Variants in PHF14 observed in about 807,000 individuals in gnomAD.
PHF14 encodes the protein PHD finger protein 14.
Under a neutral mutation model 117.9 loss-of-function variants are expected in PHF14, and 55 were observed. That is an observed-to-expected ratio of 0.47 (90% CI 0.38 to 0.58). The LOEUF is 0.58. PHF14 is among the 20% of genes least tolerant of loss of function. The pLI, the probability that PHF14 is intolerant of heterozygous loss-of-function variation, is 0.00. For missense variants in PHF14, 978 were observed against 1,122.2 expected (o/e 0.87, Z 1.84); for synonymous variants, 409 against 368.6 (o/e 1.11, Z -1.26).
At chr7:11,054,441 C>G (rs1054880918) in intron 14 of PHF14, among the ~76,000 whole-genome samples, 1 of 151,996 alleles carries the variant, frequency 6.6e-6, no homozygotes, top group South Asian at 2.1e-4. Context: ...ACAATTGGTG[C>G]GAGGTATCAT....
At chr7:11,118,629 T>G (rs1345001513) in intron 17 of PHF14, among the ~76,000 whole-genome samples, 3 of 151,874 alleles carry the variant, frequency 2.0e-5, no homozygotes, top group Non-Finnish European at 2.9e-5. Flanking sequence ...TTATTAATAC[T>G]TTATTGTCCT....
In PHF14 at chr7:11,163,822, T is replaced by A. The variant is rs536411353; in HGVS notation, c.2773-5594T>A. On this transcript the variant is annotated intron_variant, in intron 17 of 17. Coordinates refer to ENST00000634607, the MANE Select transcript of PHF14 (RefSeq NM_001007157.2). ...TGTTGAGAGTTACATATCTAGCATA[T>A]GTTTTTAAATGAATAAAACAATATA... Among the ~76,000 whole-genome samples, 206 of 152,328 alleles carry A rather than the reference T, an allele frequency of 1.4e-3. 1 individual carries two copies. The highest frequency in any genetic ancestry group is 2.5e-3 in the Non-Finnish European group (172 of 68,016).
chr7:11,013,311 G>T (rs1240586068), intron 4 of PHF14, among the ~76,000 whole-genome samples: 1 of 151,988 alleles, frequency 6.6e-6, no homozygotes, highest in African/African-American at 2.4e-5. Flanking sequence ...CTGGGCGCCT[G>T]CCACCACGCC....
Position 11,051,797 on chromosome 7 carries a change from T to G in PHF14, c.2481+17T>G. On this transcript the variant is annotated intron_variant, in intron 14 of 17. Transcript: ENST00000634607. ...AGAAACACGGTAGTTTATTTTTTAT[T>G]TATCATAAGCATCATACAATTCTGA... 6.2e-7 allele frequency: 1 copy of G among 1,609,450 alleles called. No homozygotes were observed. The highest frequency in any genetic ancestry group is 8.5e-7 in the Non-Finnish European group (1 of 1,176,626).
chr7:11,028,936 C>A, intron 7 of PHF14, 118 bp downstream of exon 7: 3 of 835,142 alleles, frequency 3.6e-6, no homozygotes, highest in Non-Finnish European at 5.3e-6. Flanking sequence ...AAAGTTCTTG[C>A]CAAGATCACT....
intron 13 of PHF14, among the ~76,000 whole-genome samples, chr7:11,047,118 G>A (rs1272026725): frequency 6.6e-6 from 1 of 151,042 alleles, no homozygotes; most frequent in Non-Finnish European, 1.5e-5. Context: ...ACCCAGGCTG[G>A]GGTGCAGTGG....
intron 16 of PHF14, among the ~76,000 whole-genome samples, chr7:11,102,077 T>C (rs1787113110): frequency 6.6e-6 from 1 of 151,862 alleles, no homozygotes; most frequent in Non-Finnish European, 1.5e-5. Flanking sequence ...CACAGTTTTA[T>C]GTTTTCTCAA....
intron 16 of PHF14, among the ~76,000 whole-genome samples, chr7:11,070,565 C>T (rs1233988935): frequency 3.3e-5 from 5 of 152,214 alleles, no homozygotes; most frequent in Non-Finnish European, 2.9e-5. Context: ...TCTAAGCCTA[C>T]ATCAGTATTT....
chr7:11,099,515 A>T (rs1562465898), intron 16 of PHF14, among the ~76,000 whole-genome samples: 1 of 151,942 alleles, frequency 6.6e-6, no homozygotes, highest in Non-Finnish European at 1.5e-5. Flanking sequence ...GCAGTGAAAT[A>T]GTTCTCATTT....
chr7:11,073,054 T>C (rs1420638586), intron 16 of PHF14, among the ~76,000 whole-genome samples: 1 of 152,302 alleles, frequency 6.6e-6, no homozygotes, highest in South Asian at 2.1e-4. Flanking sequence ...GTTATTTGAA[T>C]GGGAGAAACA....
At chr7:11,135,880 T>G (rs1392450070) in intron 17 of PHF14, among the ~76,000 whole-genome samples, 2 of 152,204 alleles carry the variant, frequency 1.3e-5, no homozygotes, top group African/African-American at 4.8e-5. Flanking sequence ...TGTTTAAAGC[T>G]AATTTATAGC....
At chr7:11,135,823 C>A (rs1333130384) in intron 17 of PHF14, among the ~76,000 whole-genome samples, 1 of 152,076 alleles carries the variant, frequency 6.6e-6, no homozygotes, top group Admixed American at 6.6e-5. Context: ...TTGTAATATA[C>A]GGAAGGCTTT....
rs190306964 is a variant in PHF14, at chr7:11,104,231, G to T, written c.2655-7119G>T. ...CATCATTTTCCATCTTGCATTTTCA[G>T]TGGTGGTGGATATTCTATTCCACAT... On this transcript the variant is annotated intron_variant, in intron 16 of 17. Transcript: ENST00000634607. The T allele has an allele frequency of 4.1e-6, 4 of 984,362 alleles. No individual in the cohort carries two copies. The East Asian group carries it at 4.5e-4, about 112-fold the overall frequency. The allele number at this position is 984,362 out of a possible 1,614,324, so 61.0% of individuals were successfully genotyped here. A position where few individuals can be genotyped will look rare whatever the true frequency, so the allele number is the denominator to read the frequency against.
chr7:11,149,686 T>A (rs1788651347), intron 17 of PHF14, among the ~76,000 whole-genome samples: 1 of 152,188 alleles, frequency 6.6e-6, no homozygotes, highest in South Asian at 2.1e-4. Flanking sequence ...AGAATGCTGA[T>A]ACAGAATTTA....
chr7:11,075,718 A>G (rs1253495385), intron 16 of PHF14, among the ~76,000 whole-genome samples: 3 of 152,064 alleles, frequency 2.0e-5, no homozygotes, highest in Non-Finnish European at 4.4e-5. Context: ...CTATATCAAT[A>G]TGTATCAGGT....
At chr7:11,155,359 T>A (rs1317266868) in intron 17 of PHF14, among the ~76,000 whole-genome samples, 1 of 152,168 alleles carries the variant, frequency 6.6e-6, no homozygotes, top group Admixed American at 6.5e-5. Context: ...AGAACAAATA[T>A]GAAGTATGTC....
In PHF14 at chr7:10,974,291, GTCT is replaced by G; in HGVS notation, c.-29_-27del. ...CTGGGCTCCTGCAGCCTCTCCCTAA[GTCT>G]TCTCCAAACGACCACCTCACGGATT... On this transcript the variant is annotated 5_prime_UTR_variant, in exon 1 of 18. Transcript: ENST00000634607. The G allele has an allele frequency of 6.3e-7, 1 of 1,582,020 alleles. No homozygotes were observed. The highest frequency in any genetic ancestry group is 8.6e-7 in the Non-Finnish European group (1 of 1,162,668).
rs1783199603 is a variant in PHF14 at position 11,008,335 on chromosome 7, C to G, written c.1046-5412C>G. ...CATTTGGTACTTTACTTCTTTTGTGCTTTAGGACAGGGGTCCCCAACCAGG... is the reference window on the plus strand; with the variant it reads ...CATTTGGTACTTTACTTCTTTTGTGGTTTAGGACAGGGGTCCCCAACCAGG... On this transcript the variant is annotated intron_variant, in intron 4 of 17. Transcript: ENST00000634607. Among the ~76,000 whole-genome samples the G allele has an allele frequency of 3.3e-5, 5 of 152,094 alleles. No individual in the cohort carries two copies. In the South Asian group the frequency reaches 1.0e-3, roughly 32 times the overall value.
At chr7:11,148,598 A>T (rs981638185) in intron 17 of PHF14, among the ~76,000 whole-genome samples, 2 of 152,126 alleles carry the variant, frequency 1.3e-5, no homozygotes, top group African/African-American at 4.8e-5. Flanking sequence ...TTATCTGTTA[A>T]CAGTTTGTTG....
Sources: gnomAD v4.1 joint callset for allele counts (sites outside exome capture counted in the v4.1 genomes callset) on GRCh38, gnomAD v4.1.1 for gene constraint, MANE v1.5 for transcripts, NCBI Gene and HGNC (gene_info 2026-07-23, HGNC 2026-07-21) for gene names.